AKAP6: variants seen among roughly 807,000 people sequenced by gnomAD.
AKAP6 encodes the protein A-kinase anchor protein 6.
A neutral mutation model predicts 188.5 loss-of-function variants in AKAP6; 58 were observed. That is an observed-to-expected ratio of 0.31 (90% CI 0.25 to 0.38). AKAP6 has a LOEUF of 0.38. Ranked by LOEUF, AKAP6 falls within the 10% of genes least tolerant of loss-of-function variation. AKAP6 has a pLI of 1.00. For synonymous variants in AKAP6, 989 were observed against 998.6 expected, an observed-to-expected ratio of 0.99 and a Z score of 0.18; for missense variants, 2,710 against 2,740.0, an observed-to-expected ratio of 0.99 and a Z score of 0.24.
chr14:32,820,053 A>G (rs897574260), intron 12 of AKAP6, among the ~76,000 whole-genome samples: 1 of 152,106 alleles, frequency 6.6e-6, no homozygotes, highest in Non-Finnish European at 1.5e-5. Context: ...ATCTTGAAAA[A>G]TTGACAGTGC....
chr14:32,566,572 A>G (rs1223467247), intron 4 of AKAP6, among the ~76,000 whole-genome samples: 2 of 152,158 alleles, frequency 1.3e-5, no homozygotes, highest in Non-Finnish European at 2.9e-5. Flanking sequence ...ACAATTTCTG[A>G]TACATAGTAA....
intron 2 of AKAP6, among the ~76,000 whole-genome samples, chr14:32,511,069 C>A (rs1011974340): frequency 1.3e-5 from 2 of 152,168 alleles, no homozygotes; most frequent in African/African-American, 4.8e-5. Flanking sequence ...ATCCTTGATA[C>A]AGTGTAAGTG....
chr14:32,622,903 A>G (rs190558342), intron 7 of AKAP6, among the ~76,000 whole-genome samples: 12 of 152,274 alleles, frequency 7.9e-5, no homozygotes, highest in Middle Eastern at 3.4e-3. Context: ...TGAAAAGAAA[A>G]ACAGGAAGTA....
At chr14:32,329,615 T>C (rs1349322199) in intron 1 of AKAP6, among the ~76,000 whole-genome samples, 1 of 152,120 alleles carries the variant, frequency 6.6e-6, no homozygotes, top group African/African-American at 2.4e-5. Flanking sequence ...GAATTATTCT[T>C]GCTCCAGCTC....
intron 12 of AKAP6, among the ~76,000 whole-genome samples, chr14:32,805,243 G>T (rs2034059389): frequency 6.6e-6 from 1 of 152,140 alleles, no homozygotes; most frequent in Middle Eastern, 3.2e-3. Flanking sequence ...TCTGTTCGGG[G>T]TCCCTGACTT....
intron 3 of AKAP6, among the ~76,000 whole-genome samples, chr14:32,539,453 G>T (rs1162470991): frequency 6.6e-6 from 1 of 152,032 alleles, no homozygotes; most frequent in East Asian, 1.9e-4. Flanking sequence ...CTACATGAGG[G>T]TTAGTTCCAG....
At chr14:32,646,133 T>C (rs569105162) in intron 7 of AKAP6, among the ~76,000 whole-genome samples, 140 of 152,150 alleles carry the variant, frequency 9.2e-4, no homozygotes, top group African/African-American at 3.1e-3. Flanking sequence ...TGAGTCAATA[T>C]TGAGTATTGA....
At chr14:32,372,260 AT>A (rs759850031) in intron 1 of AKAP6, among the ~76,000 whole-genome samples, 6 of 151,786 alleles carry the variant, frequency 4.0e-5, no homozygotes, top group African/African-American at 7.2e-5. Flanking sequence ...TTAATGTAAC[AT>A]TTTTTTCTTT....
chr14:32,478,967 T>C (rs1879204516), intron 2 of AKAP6, among the ~76,000 whole-genome samples: 1 of 152,100 alleles, frequency 6.6e-6, no homozygotes, highest in Admixed American at 6.6e-5. Context: ...GAAAATATTT[T>C]GGGGGGAGAG....
intron 5 of AKAP6, among the ~76,000 whole-genome samples, chr14:32,587,232 TG>T (rs1179395499): frequency 6.6e-6 from 1 of 152,112 alleles, no homozygotes; most frequent in Non-Finnish European, 1.5e-5. Context: ...TTGTTTTTTT[TG>T]CTTCAGGATT....
At chr14:32,354,623 T>G (rs1887417502) in intron 1 of AKAP6, among the ~76,000 whole-genome samples, 1 of 152,226 alleles carries the variant, frequency 6.6e-6, no homozygotes, top group Non-Finnish European at 1.5e-5. Context: ...TATGCTCAAA[T>G]CTTTCTTTCA....
At chr14:32,396,750 C>T (rs1347050438) in intron 1 of AKAP6, among the ~76,000 whole-genome samples, 2 of 151,986 alleles carry the variant, frequency 1.3e-5, no homozygotes, top group Non-Finnish European at 2.9e-5. Flanking sequence ...AGTTAACCCT[C>T]AGAAGAGGGC....
chr14:32,483,703 T>G (rs1366402228), intron 2 of AKAP6, among the ~76,000 whole-genome samples: 1 of 152,052 alleles, frequency 6.6e-6, no homozygotes, highest in Non-Finnish European at 1.5e-5. Flanking sequence ...AGGCTGGTCT[T>G]GAACTCCCAA....
intron 12 of AKAP6, among the ~76,000 whole-genome samples, chr14:32,821,038 G>C (rs1356383430): frequency 6.6e-6 from 1 of 152,160 alleles, no homozygotes; most frequent in African/African-American, 2.4e-5. Flanking sequence ...CACCTTAGGA[G>C]ATGTCATAGG....
chr14:32,401,650 A>G (rs974367175), intron 1 of AKAP6, among the ~76,000 whole-genome samples: 11 of 152,192 alleles, frequency 7.2e-5, no homozygotes, highest in African/African-American at 2.4e-4. Flanking sequence ...CGTCTTCCTT[A>G]TATTCTCTTT....
At chr14:32,528,255 T>C (rs1261953363) in intron 2 of AKAP6, among the ~76,000 whole-genome samples, 2 of 152,098 alleles carry the variant, frequency 1.3e-5, no homozygotes, top group Non-Finnish European at 2.9e-5. Context: ...TTGTCGAACA[T>C]CAGTTAACTA....
Position 32,606,802 on chromosome 14 carries a change from A to C in AKAP6, c.2730+6010A>C, listed in dbSNP as rs544384066. ...GGATATCAGACTATGAAGGTCATCA[A>C]TGTTATCTGTTCAACAATAACAGAA... On this transcript the variant is annotated intron_variant, in intron 7 of 13. Coordinates refer to ENST00000280979, the MANE Select transcript of AKAP6 (RefSeq NM_004274.5). 4.6e-5 allele frequency among the ~76,000 whole-genome samples: 7 copies of C among 152,308 alleles called. No homozygotes were observed. In the East Asian group the frequency reaches 1.2e-3, roughly 25 times the overall value.
intron 2 of AKAP6, among the ~76,000 whole-genome samples, chr14:32,515,871 C>A (rs1424535393): frequency 2.6e-5 from 4 of 152,188 alleles, no homozygotes; most frequent in Non-Finnish European, 5.9e-5. Context: ...AGACAAAGTG[C>A]TTGCCCTACA....
intron 1 of AKAP6, among the ~76,000 whole-genome samples, chr14:32,378,369 C>G (rs952042580): frequency 2.0e-5 from 3 of 152,194 alleles, no homozygotes; most frequent in Admixed American, 6.5e-5. Flanking sequence ...ATTCATTAAG[C>G]ATGGAATAAT....
Sources: gnomAD v4.1 joint callset for allele counts (sites outside exome capture counted in the v4.1 genomes callset) on GRCh38, gnomAD v4.1.1 for gene constraint, MANE v1.5 for transcripts, NCBI Gene and HGNC (gene_info 2026-07-23, HGNC 2026-07-21) for gene names.